The following PRKN variants were observed in gnomAD, a reference collection of about 807,000 sequenced individuals.
PRKN encodes the protein parkin RBR E3 ubiquitin protein ligase, also known as E3 ubiquitin-protein ligase parkin.
PRKN carries 56 observed loss-of-function variants against 59.5 expected under a neutral mutation model. That is an observed-to-expected ratio of 0.94 (90% confidence interval 0.76 to 1.18). The LOEUF is 1.18. Among genes scored for constraint, PRKN ranks in the 50% most tolerant of loss-of-function variants. PRKN has a pLI of 0.00. For missense variants in PRKN, 657 were observed against 596.4 expected, an observed-to-expected ratio of 1.10 and a Z score of -1.06; for synonymous variants, 250 against 222.1, an observed-to-expected ratio of 1.13 and a Z score of -1.12.
At chr6:162,440,660 A>G (rs1165578193) in intron 2 of PRKN, among the ~76,000 whole-genome samples, 1 of 152,182 alleles carries the variant, frequency 6.6e-6, no homozygotes, top group African/African-American at 2.4e-5. Flanking sequence ...CAGCAAGCAT[A>G]GACACCACCC....
At chr6:162,086,861 C>T (rs1442944644) in intron 4 of PRKN, among the ~76,000 whole-genome samples, 2 of 152,196 alleles carry the variant, frequency 1.3e-5, no homozygotes, top group Non-Finnish European at 1.5e-5. Flanking sequence ...ATTCCAGTGA[C>T]TAGTCTACTG....
chr6:161,567,206 T>A (rs745316754), intron 8 of PRKN, among the ~76,000 whole-genome samples: 45 of 151,996 alleles, frequency 3.0e-4, no homozygotes, highest in East Asian at 5.8e-4. Context: ...GCCTGGCTAA[T>A]ATTTTGTATT....
intron 5 of PRKN, among the ~76,000 whole-genome samples, chr6:161,979,774 C>T (rs1228548924): frequency 6.6e-6 from 1 of 152,128 alleles, no homozygotes; most frequent in Admixed American, 6.5e-5. Context: ...CAGACCCATA[C>T]AAATCAAAGG....
At chr6:162,603,548 A>G (rs1297497006) in intron 1 of PRKN, among the ~76,000 whole-genome samples, 1 of 152,172 alleles carries the variant, frequency 6.6e-6, no homozygotes, top group Non-Finnish European at 1.5e-5. Context: ...GAAAATATTT[A>G]CCACGTATCC....
chr6:161,532,164 CTCTA>C (rs1236461251), intron 9 of PRKN, among the ~76,000 whole-genome samples: 163 of 67,944 alleles, frequency 2.4e-3, no homozygotes, highest in Admixed American at 5.0e-3. Context: ...CTCTCTCTCT[CTCTA>C]TATATATATA....
At chr6:161,726,174 C>A (rs145628481) in intron 7 of PRKN, among the ~76,000 whole-genome samples, 1 of 152,316 alleles carries the variant, frequency 6.6e-6, no homozygotes, top group East Asian at 1.9e-4. Flanking sequence ...ATTTAGTTCA[C>A]TTTCTGTAGT....
At chr6:161,896,430 GT>G (rs1261090346) in intron 6 of PRKN, among the ~76,000 whole-genome samples, 1 of 152,034 alleles carries the variant, frequency 6.6e-6, no homozygotes, top group Non-Finnish European at 1.5e-5. Flanking sequence ...AACAACCATA[GT>G]GGAATCCATT....
At chr6:162,205,981 G>A (rs1784920341) in intron 3 of PRKN, among the ~76,000 whole-genome samples, 1 of 152,150 alleles carries the variant, frequency 6.6e-6, no homozygotes, top group African/African-American at 2.4e-5. Flanking sequence ...ACTGGGCAGT[G>A]AAACAGCTTG....
At chr6:161,835,920 G>A (rs1277222208) in intron 6 of PRKN, among the ~76,000 whole-genome samples, 2 of 152,170 alleles carry the variant, frequency 1.3e-5, no homozygotes, top group Non-Finnish European at 2.9e-5. Context: ...CCACACAGAC[G>A]CATTTTCAGT....
chr6:162,109,936 C>T (rs1257394092), intron 4 of PRKN, among the ~76,000 whole-genome samples: 1 of 152,194 alleles, frequency 6.6e-6, no homozygotes, highest in Non-Finnish European at 1.5e-5. Flanking sequence ...ATTCAATTAA[C>T]ATCATATGCC....
chr6:161,415,451 C>T (rs910916858), intron 9 of PRKN, among the ~76,000 whole-genome samples: 15 of 152,088 alleles, frequency 9.9e-5, no homozygotes, highest in African/African-American at 3.4e-4. Flanking sequence ...ATGTGCCGAA[C>T]CCTTTACGTG....
intron 9 of PRKN, among the ~76,000 whole-genome samples, chr6:161,418,230 G>A (rs950044390): frequency 6.6e-6 from 1 of 152,216 alleles, no homozygotes; most frequent in African/African-American, 2.4e-5. Context: ...AGCAGCCTCT[G>A]CCAATCTGTT....
rs1345879241 is a variant in PRKN at position 161,688,221 on chromosome 6, T to G, written c.871+97551A>C. 2.6e-5 allele frequency among the ~76,000 whole-genome samples: 4 copies of G among 152,202 alleles called. No homozygotes were observed. In the East Asian group the frequency reaches 7.7e-4, roughly 29 times the overall value. The stretch of plus-strand genomic sequence containing the variant: ...TGAATAAATACCATCAGTGGGGACT[T>G]AGTGAATGGCTAGGTCATTTTCACC... On this transcript the variant is annotated intron_variant, in intron 7 of 11. Coordinates refer to ENST00000366898, the MANE Select transcript of PRKN (RefSeq NM_004562.3).
chr6:162,161,444 G>A (rs546438252), intron 4 of PRKN, among the ~76,000 whole-genome samples: 3 of 152,234 alleles, frequency 2.0e-5, no homozygotes, highest in East Asian at 1.9e-4. Flanking sequence ...AGTAAATTGC[G>A]GACTGAAAAT....
chr6:161,903,746 A>C (rs1289318742), intron 6 of PRKN, among the ~76,000 whole-genome samples: 2 of 152,054 alleles, frequency 1.3e-5, no homozygotes, highest in Non-Finnish European at 2.9e-5. Context: ...GAAAGAGATA[A>C]AGAAAGTGTG....
At chr6:161,733,987 CACACACACACACACACACAT>C (rs1787860726) in intron 7 of PRKN, among the ~76,000 whole-genome samples, 1 of 145,262 alleles carries the variant, frequency 6.9e-6, no homozygotes, top group African/African-American at 2.8e-5. Flanking sequence ...CACACACACA[CACACACACACACACACACAT>C]ATTTGCTAAT....
At chr6:161,686,836 G>A (rs1369078477) in intron 7 of PRKN, among the ~76,000 whole-genome samples, 1 of 152,106 alleles carries the variant, frequency 6.6e-6, no homozygotes, top group Non-Finnish European at 1.5e-5. Context: ...TTCCCCACAA[G>A]GGCGTGCCTC....
intron 1 of PRKN, among the ~76,000 whole-genome samples, chr6:162,553,360 A>G (rs551661893): frequency 6.6e-6 from 1 of 152,090 alleles, no homozygotes; most frequent in South Asian, 2.1e-4. Flanking sequence ...AGCAGCCGGA[A>G]AGAAAGAGGC....
chr6:161,878,504 T>A (rs1037696130), intron 6 of PRKN, among the ~76,000 whole-genome samples: 5 of 152,182 alleles, frequency 3.3e-5, no homozygotes, highest in African/African-American at 1.2e-4. Context: ...AATTATTTTG[T>A]GTTTGAATTT....
Sources: allele counts gnomAD v4.1 joint callset (sites outside exome capture counted in the v4.1 genomes callset), GRCh38; gene constraint gnomAD v4.1.1; transcripts MANE v1.5; gene names NCBI Gene and HGNC (gene_info 2026-07-23, HGNC 2026-07-21).